RAB11FIP3: variants seen among roughly 807,000 people sequenced by gnomAD.
The protein encoded by RAB11FIP3 is RAB11 family interacting protein 3.
A neutral mutation model predicts 77.8 loss-of-function variants in RAB11FIP3; 17 were observed. The observed-to-expected ratio is 0.22, with a 90% CI of 0.15 to 0.33. RAB11FIP3 has a LOEUF of 0.33. Ranked by LOEUF, RAB11FIP3 falls within the 10% of genes least tolerant of loss-of-function variation. RAB11FIP3 has a pLI of 1.00. For missense variants in RAB11FIP3, 1,005 were observed against 1,011.2 expected (o/e 0.99, Z 0.08); for synonymous variants, 437 against 448.2 (o/e 0.98, Z 0.31).
intron 5 of RAB11FIP3, among the ~76,000 whole-genome samples, chr16:490,224 C>T (rs765507752): frequency 3.5e-4 from 54 of 152,244 alleles, no homozygotes; most frequent in Non-Finnish European, 7.3e-4. Context: ...TCCCAGCGCC[C>T]GCGATGAGGC....
At chr16:503,777 G>T (rs1476074510) in intron 7 of RAB11FIP3, among the ~76,000 whole-genome samples, 1 of 152,016 alleles carries the variant, frequency 6.6e-6, no homozygotes, top group Non-Finnish European at 1.5e-5. Context: ...CTATTTGGGA[G>T]GCTGAGGCAG....
At chr16:497,285 T>C in intron 6 of RAB11FIP3, 1 of 1,304,624 alleles carries the variant, frequency 7.7e-7, no homozygotes, top group African/African-American at 1.5e-5. Flanking sequence ...ATTTCTTCAT[T>C]TTCCAGCTTC....
At chr16:429,539 G>A (rs892600172) in intron 1 of RAB11FIP3, among the ~76,000 whole-genome samples, 6 of 149,736 alleles carry the variant, frequency 4.0e-5, no homozygotes, top group Admixed American at 2.7e-4. Context: ...CTGCTCTGTC[G>A]CCCAGGCTGG....
chr16:474,484 G>A (rs1229384398), intron 3 of RAB11FIP3, among the ~76,000 whole-genome samples: 1 of 152,138 alleles, frequency 6.6e-6, no homozygotes, highest in Non-Finnish European at 1.5e-5. Flanking sequence ...GCGCCGCTGA[G>A]TTCCTGGGCA....
At chr16:429,971 C>T (rs1407681724) in intron 1 of RAB11FIP3, among the ~76,000 whole-genome samples, 1 of 152,084 alleles carries the variant, frequency 6.6e-6, no homozygotes. Flanking sequence ...TTAGCAATGT[C>T]ATGGTGTGTT....
chr16:445,370 C>T (rs542302238), intron 1 of RAB11FIP3, among the ~76,000 whole-genome samples: 7 of 151,424 alleles, frequency 4.6e-5, no homozygotes, highest in South Asian at 2.1e-4. Flanking sequence ...ACCCAGGAGG[C>T]GGAGTTTACA....
Position 520,603 on chromosome 16 carries a change from A to G in RAB11FIP3, c.2157+4A>G. On this transcript the variant is annotated splice_donor_region_variant and intron_variant, in intron 13 of 13. Coordinates refer to ENST00000262305, the MANE Select transcript of RAB11FIP3 (RefSeq NM_014700.4). ...CAGCTCCGTCTCCCGAGATGAGGTA[A>G]CACATCCCGTGTCTGCACGGTGTGG... 1 of 1,613,162 alleles carries G rather than the reference A, an allele frequency of 6.2e-7. No individual in the cohort carries two copies. Among genetic ancestry groups the G allele is most frequent in the Non-Finnish European group, 8.5e-7 (1 of 1,179,770 alleles).
chr16:474,827 TG>T, intron 3 of RAB11FIP3: 2 of 1,420,648 alleles, frequency 1.4e-6, no homozygotes. Flanking sequence ...TTCCCCTCCC[TG>T]GGCAACACCA....
Position 426,407 on chromosome 16 carries a change from C to T in RAB11FIP3, c.401C>T (p.Pro134Leu). Residue 134 changes from proline (P) to leucine (L), a missense_variant, in exon 1 of 14, where the codon CCC (proline) becomes CTC (leucine). Physicochemically the swap from Pro to Leu is moderately conservative, Grantham distance 98 (BLOSUM62 -3). This residue lies in a region of RAB11FIP3 where 466 missense variants were observed against 408.3 expected (regional missense o/e 1.14). Transcript: ENST00000262305. The surrounding 1 kb of genome is among the most constrained non-coding windows in gnomAD (Gnocchi z 5.0). ...SWTEEPEECG[P>L]ASCPESAPFR... ...ACTGAGGAGCCCGAGGAGTGTGGCC[C>T]CGCGAGCTGCCCGGAGAGCGCGCCT... 6.3e-7 allele frequency: 1 copy of T among 1,583,042 alleles called. No individual in the cohort carries two copies. Among genetic ancestry groups the T allele is most frequent in the Non-Finnish European group, 8.6e-7 (1 of 1,166,524 alleles).
intron 1 of RAB11FIP3, among the ~76,000 whole-genome samples, chr16:442,368 C>G (rs8058185): frequency 0.61 from 92,983 of 152,056 alleles, 28,677 homozygotes; most frequent in Middle Eastern, 0.68. Flanking sequence ...GGAGTTTGGG[C>G]ATGGTAGTTG....
At position 514,104 on chromosome 16, in the gene RAB11FIP3, C is replaced by G. The variant is rs995486658; in HGVS notation, c.1640+3304C>G. Among the ~76,000 whole-genome samples, 6 of 152,212 alleles carry G rather than the reference C, an allele frequency of 3.9e-5. No homozygotes were observed. The highest frequency in any genetic ancestry group is 8.8e-5 in the Non-Finnish European group (6 of 68,030). On this transcript the variant is annotated intron_variant, in intron 9 of 13. Coordinates refer to ENST00000262305, the MANE Select transcript of RAB11FIP3 (RefSeq NM_014700.4). This position sits in a 1 kb window ranked among gnomAD's most constrained non-coding sequence, Gnocchi z 4.6. ...CAAGCAGGGCCCAGTGTCACTGCCT[C>G]TTGTGAGCAAGCCGCCTGCCCACCC...
At chr16:441,073 T>C (rs1425570976) in intron 1 of RAB11FIP3, among the ~76,000 whole-genome samples, 5 of 152,166 alleles carry the variant, frequency 3.3e-5, no homozygotes, top group African/African-American at 1.2e-4. Flanking sequence ...CCCGAGTAGC[T>C]GGGATGACAG....
Position 472,008 on chromosome 16 carries a change from G to A in RAB11FIP3, c.903+619G>A, listed in dbSNP as rs192726249. Reference sequence around the variant, plus strand: ...AGTTGAACTTGAGCCCTTGGGGGCCGCCGGGAAGGTGGAGGTGGCAGCCGC... The same window carrying A: ...AGTTGAACTTGAGCCCTTGGGGGCCACCGGGAAGGTGGAGGTGGCAGCCGC... On this transcript the variant is annotated intron_variant, in intron 3 of 13. Coordinates refer to ENST00000262305, the MANE Select transcript of RAB11FIP3 (RefSeq NM_014700.4). The surrounding 1 kb of genome is among the most constrained non-coding windows in gnomAD (Gnocchi z 4.1). Among the ~76,000 whole-genome samples the A allele has an allele frequency of 5.3e-5, 8 of 152,336 alleles. No individual in the cohort carries two copies. The highest frequency in any genetic ancestry group is 1.7e-4 in the African/African-American group (7 of 41,584).
intron 4 of RAB11FIP3, among the ~76,000 whole-genome samples, chr16:483,764 C>A (rs2141736551): frequency 6.6e-6 from 1 of 152,100 alleles, no homozygotes; most frequent in South Asian, 2.1e-4. Flanking sequence ...CTTGATAAAG[C>A]CTTGGTCTCC....
chr16:484,026 G>A (rs2056100673), intron 4 of RAB11FIP3, among the ~76,000 whole-genome samples: 1 of 152,018 alleles, frequency 6.6e-6, no homozygotes, highest in South Asian at 2.1e-4. Context: ...GGGCTTCCTG[G>A]GGCGGCATCA....
At chr16:481,121 TTTAA>T (rs140282061) in intron 3 of RAB11FIP3, among the ~76,000 whole-genome samples, 21,922 of 150,792 alleles carry the variant, frequency 0.15, 2,338 homozygotes, top group African/African-American at 0.29. Flanking sequence ...TATATTTATT[TTTAA>T]TTAATTAATT....
intron 4 of RAB11FIP3, among the ~76,000 whole-genome samples, chr16:486,780 C>T (rs2056163378): frequency 6.6e-6 from 1 of 152,122 alleles, no homozygotes; most frequent in Non-Finnish European, 1.5e-5. Context: ...CTGAGCCCCT[C>T]GTCATTGCTT....
rs868070980 is a variant in RAB11FIP3 at position 426,338 on chromosome 16, G to A, written c.332G>A (p.Arg111His). 1.0e-5 allele frequency: 15 copies of A among 1,494,902 alleles called. No homozygotes were observed. The highest frequency in any genetic ancestry group is 6.2e-6 in the Non-Finnish European group (7 of 1,122,548). 92.6% of individuals were successfully genotyped at this position (1,494,902 alleles called of 1,614,324 possible). Residue 111 changes from arginine to histidine, a missense_variant, in exon 1 of 14, where the codon CGC becomes CAC. Arg to His is a conservative substitution (Grantham distance 29). Coordinates refer to ENST00000262305, the MANE Select transcript of RAB11FIP3 (RefSeq NM_014700.4). This position sits in a 1 kb window ranked among gnomAD's most constrained non-coding sequence, Gnocchi z 5.0. ...ASPDAPGPGP[R>H]SEAPLPELDP... ...CCCGACGCCCCGGGCCCAGGGCCGC[G>A]CTCCGAAGCGCCGCTTCCAGAACTC...
At chr16:444,679 C>G (rs942021489) in intron 1 of RAB11FIP3, among the ~76,000 whole-genome samples, 3 of 151,930 alleles carry the variant, frequency 2.0e-5, no homozygotes, top group African/African-American at 7.3e-5. Flanking sequence ...GAGACCCTGT[C>G]TCTATTAAAA....
Sources: allele counts gnomAD v4.1 joint callset (sites outside exome capture counted in the v4.1 genomes callset), GRCh38; gene constraint gnomAD v4.1.1; regional missense constraint gnomAD v4.1.1; non-coding constraint Gnocchi (gnomAD v3.1); transcripts MANE v1.5; gene names NCBI Gene and HGNC (gene_info 2026-07-23, HGNC 2026-07-21).